DENND4C: variants seen among roughly 807,000 people sequenced by gnomAD.
The protein encoded by DENND4C is DENN domain-containing protein 4C.
DENND4C carries 108 observed loss-of-function variants against 203.0 expected under a neutral mutation model. That is an observed-to-expected ratio of 0.53 (90% CI 0.46 to 0.62). The LOEUF (loss-of-function observed/expected upper bound fraction) is 0.62, where lower values mean the gene tolerates loss of function less well. Ranked by LOEUF, DENND4C falls within the 20% of genes least tolerant of loss-of-function variation. The pLI, the probability that DENND4C is intolerant of heterozygous loss-of-function variation, is 0.00. For synonymous variants in DENND4C, 871 were observed against 792.4 expected, an observed-to-expected ratio of 1.10 and a Z score of -1.67; for missense variants, 2,481 against 2,301.2, an observed-to-expected ratio of 1.08 and a Z score of -1.60.
chr9:19,242,445 A>G (rs1437901776), intron 1 of DENND4C, among the ~76,000 whole-genome samples: 7 of 152,314 alleles, frequency 4.6e-5, no homozygotes, highest in African/African-American at 1.4e-4. Flanking sequence ...TACCTCAGCA[A>G]TGTGATTGCT....
intron 1 of DENND4C, among the ~76,000 whole-genome samples, chr9:19,232,651 G>T (rs766219705): frequency 3.9e-4 from 59 of 152,136 alleles, no homozygotes; most frequent in Admixed American, 9.2e-4. Context: ...TGAAGAAATT[G>T]GCAGCATAGT....
intron 12 of DENND4C, among the ~76,000 whole-genome samples, chr9:19,323,841 C>T (rs1425518576): frequency 2.0e-5 from 3 of 152,024 alleles, no homozygotes; most frequent in Admixed American, 6.6e-5. Flanking sequence ...AAGTATTTTT[C>T]GTGGTTTAAT....
At position 19,336,325 on chromosome 9, in the gene DENND4C, C is replaced by G; in HGVS notation, c.2645C>G (p.Thr882Arg). ...SSTRSGIFLW[T>R]KVRNVVRGLA... ...ACCCGCAGTGGTATTTTCTTATGGA[C>G]GAAGGTACGGAATGTGGTACGTGGC... The change falls in exon 19 of 33, where the codon ACG (threonine) becomes AGG (arginine). Residue 882 changes from threonine to arginine, a missense_variant. Around this residue, in one of 3 missense-constraint regions of DENND4C, gnomAD observed 2,289 missense variants for 2,113.3 expected, o/e 1.08. Transcript: ENST00000434457. 1.2e-6 allele frequency: 2 copies of G among 1,613,944 alleles called. No individual in the cohort carries two copies. The highest frequency in any genetic ancestry group is 2.2e-5 in the South Asian group (2 of 91,070).
At chr9:19,368,050 C>T (rs1351970986) in intron 30 of DENND4C, among the ~76,000 whole-genome samples, 2 of 152,108 alleles carry the variant, frequency 1.3e-5, no homozygotes, top group African/African-American at 4.8e-5. Context: ...ATGATGGTTG[C>T]ACAACTTCAT....
At chr9:19,282,715 CTTTTT>C (rs1554717864) in intron 2 of DENND4C, among the ~76,000 whole-genome samples, 2 of 86,638 alleles carry the variant, frequency 2.3e-5, no homozygotes, top group East Asian at 4.0e-4. Context: ...TTTCTTCTCT[CTTTTT>C]TTTTTTTTTT....
chr9:19,323,796 A>T (rs1264462901), intron 12 of DENND4C, among the ~76,000 whole-genome samples: 1 of 152,212 alleles, frequency 6.6e-6, no homozygotes, highest in Non-Finnish European at 1.5e-5. Flanking sequence ...GAGGTTCCTT[A>T]TAGGGGATTT....
At chr9:19,232,737 A>T (rs985603152) in intron 1 of DENND4C, among the ~76,000 whole-genome samples, 12 of 152,192 alleles carry the variant, frequency 7.9e-5, no homozygotes, top group African/African-American at 2.4e-4. Context: ...GGCTGTAACA[A>T]TTCCTGGTGC....
In DENND4C at chr9:19,336,267, T is replaced by G; in HGVS notation, c.2590-3T>G. The G allele has an allele frequency of 6.2e-7, 1 of 1,608,322 alleles. No homozygotes were observed. The highest frequency in any genetic ancestry group is 2.2e-5 in the East Asian group (1 of 44,848). ...ATTATTTTTACCCTTATTTTACCTT[T>G]AGGTAGTCTTGGAGAGCCCGTGGCC... On this transcript the variant is annotated splice_polypyrimidine_tract_variant and splice_region_variant and intron_variant, in intron 18 of 32. Transcript: ENST00000434457.
chr9:19,240,951 A>G (rs905725984), intron 1 of DENND4C, among the ~76,000 whole-genome samples: 2 of 152,208 alleles, frequency 1.3e-5, no homozygotes, highest in African/African-American at 4.8e-5. Context: ...CGACAGAGTG[A>G]CAGAACACAA....
At chr9:19,258,301 C>G (rs1187763020) in intron 1 of DENND4C, among the ~76,000 whole-genome samples, 1 of 152,214 alleles carries the variant, frequency 6.6e-6, no homozygotes, top group Non-Finnish European at 1.5e-5. Flanking sequence ...CACCATTTCT[C>G]TACAACCTTT....
intron 10 of DENND4C, among the ~76,000 whole-genome samples, chr9:19,306,671 T>A (rs1588885152): frequency 1.3e-5 from 2 of 152,062 alleles, no homozygotes; most frequent in East Asian, 3.9e-4. Flanking sequence ...TTGCGCAGTT[T>A]TGAGTAACTT....
chr9:19,286,695 G>C, intron 2 of DENND4C, 74 bp from the exon 3 acceptor site: 1 of 1,156,812 alleles, frequency 8.6e-7, no homozygotes. Flanking sequence ...TGAAATGCAT[G>C]TACTATATAT....
At position 19,352,551 on chromosome 9, in the gene DENND4C, T is replaced by G; in HGVS notation, c.4667T>G (p.Ile1556Ser). Residue 1556 changes from isoleucine to serine, a missense_variant, in exon 26 of 33, where the codon ATT (isoleucine) becomes AGT (serine). Coordinates refer to ENST00000434457, the MANE Select transcript of DENND4C (RefSeq NM_001330640.2). ...GGAGCTTTAGTTTATGATGAAGAAATTATGGCTGGATGGACAGCAGATGAC... is the reference window on the plus strand; with the variant it reads ...GGAGCTTTAGTTTATGATGAAGAAAGTATGGCTGGATGGACAGCAGATGAC... ...ACGALVYDEEIMAGWTADDSN... is the reference protein window; with the variant it reads ...ACGALVYDEESMAGWTADDSN... 1.2e-6 allele frequency: 2 copies of G among 1,613,548 alleles called. No individual in the cohort carries two copies. The highest frequency in any genetic ancestry group is 8.5e-7 in the Non-Finnish European group (1 of 1,179,688).
At chr9:19,261,578 C>CT (rs200099376) in intron 1 of DENND4C, among the ~76,000 whole-genome samples, 2,111 of 151,830 alleles carry the variant, frequency 0.014, 30 homozygotes, top group Non-Finnish European at 0.018. Flanking sequence ...TCACGGCTCA[C>CT]TGCAGTCTTG....
intron 1 of DENND4C, among the ~76,000 whole-genome samples, chr9:19,232,263 G>T (rs992317785): frequency 6.8e-6 from 1 of 147,942 alleles, no homozygotes; most frequent in East Asian, 2.0e-4. Flanking sequence ...GCTTTGACTT[G>T]TTTTTTTTTT....
intron 1 of DENND4C, among the ~76,000 whole-genome samples, chr9:19,258,999 T>C (rs1234917252): frequency 6.6e-6 from 1 of 152,184 alleles, no homozygotes; most frequent in Non-Finnish European, 1.5e-5. Context: ...TATATATTTA[T>C]GGGATACATG....
intron 20 of DENND4C, among the ~76,000 whole-genome samples, chr9:19,338,817 T>A (rs1821019637): frequency 6.6e-6 from 1 of 152,150 alleles, no homozygotes; most frequent in Admixed American, 6.6e-5. Flanking sequence ...TTAAAGACAT[T>A]TAATTCTTTT....
Position 19,286,934 on chromosome 9 carries a change from A to G in DENND4C, c.471A>G (p.Val157=), listed in dbSNP as rs1359045073. ...TTCGACCCCAGAATTCCTTGGCTGT[A>G]ACTGATATCTGTGTTATTGTAACCA... ...PPVRPQNSLA[V]TDICVIVTSK... Residue 157 remains valine (V), a synonymous_variant, in exon 3 of 33, where the codon GTA becomes GTG. Coordinates refer to ENST00000434457, the MANE Select transcript of DENND4C (RefSeq NM_001330640.2). 2.4e-6 allele frequency: 3 copies of G among 1,231,986 alleles called. No individual in the cohort carries two copies. In the African/African-American group the frequency reaches 4.7e-5, roughly 19 times the overall value. 76.3% of individuals were successfully genotyped at this position (1,231,986 alleles called of 1,614,324 possible). A position where few individuals can be genotyped will look rare whatever the true frequency, so the allele number is the denominator to read the frequency against.
intron 3 of DENND4C, among the ~76,000 whole-genome samples, chr9:19,287,798 T>A (rs1564121418): frequency 6.6e-6 from 1 of 152,170 alleles, no homozygotes; most frequent in Non-Finnish European, 1.5e-5. Flanking sequence ...AGTGGCGTGA[T>A]CTTGGCTCAC....
Sources: gnomAD v4.1 joint callset for allele counts (sites outside exome capture counted in the v4.1 genomes callset) on GRCh38, gnomAD v4.1.1 for gene constraint, gnomAD v4.1.1 regional missense constraint, MANE v1.5 for transcripts, NCBI Gene and HGNC (gene_info 2026-07-23, HGNC 2026-07-21) for gene names.